The following HSD17B4 variants were observed in gnomAD, a reference collection of about 807,000 sequenced individuals.
The protein encoded by HSD17B4 is peroxisomal multifunctional enzyme type 2.
In HSD17B4, 70 loss-of-function variants were observed where a neutral mutation model predicts 101.0. The ratio of observed to expected loss-of-function variants is 0.69; its 90% CI spans 0.57 to 0.85. The LOEUF (loss-of-function observed/expected upper bound fraction) is 0.85, where lower values mean the gene tolerates loss of function less well. Ranked by LOEUF, HSD17B4 falls within the 40% of genes least tolerant of loss-of-function variation. The probability of loss-of-function intolerance (pLI) is 0.00; values close to 1 mark genes in which losing one functional copy is unlikely to be tolerated. For missense variants in HSD17B4, 984 were observed against 892.4 expected (o/e 1.10, Z -1.31); for synonymous variants, 347 against 297.1 (o/e 1.17, Z -1.73).
chr5:119,455,580 A>ATATATATG (rs1168328065), intron 1 of HSD17B4, among the ~76,000 whole-genome samples: 2 of 150,780 alleles, frequency 1.3e-5, no homozygotes, highest in Non-Finnish European at 3.0e-5. Flanking sequence ...ATATATATAT[A>ATATATATG]TATAATTTCT....
intron 8 of HSD17B4, 68 bp downstream of exon 8, chr5:119,479,089 AG>A (rs1241891339): frequency 1.6e-5 from 19 of 1,172,772 alleles, no homozygotes; most frequent in Non-Finnish European, 2.3e-5. Flanking sequence ...GCTTTACAAA[AG>A]TATTTAATTT....
intron 18 of HSD17B4, 63 bp downstream of exon 18, chr5:119,525,348 G>A (rs1455389076): frequency 2.0e-6 from 2 of 985,374 alleles, no homozygotes; most frequent in Non-Finnish European, 3.3e-6. Context: ...ATTAAATAAT[G>A]TAAAGACACT....
intron 11 of HSD17B4, among the ~76,000 whole-genome samples, chr5:119,494,303 T>C (rs1324671060): frequency 6.6e-6 from 1 of 151,060 alleles, no homozygotes; most frequent in Non-Finnish European, 1.5e-5. Context: ...CATATTTTTC[T>C]CTTTCTTCCT....
chr5:119,522,264 C>G (rs1047333278), intron 17 of HSD17B4, among the ~76,000 whole-genome samples: 3 of 152,310 alleles, frequency 2.0e-5, no homozygotes, highest in Middle Eastern at 3.4e-3. Context: ...AAGACATGAA[C>G]TCATCCTTTT....
intron 16 of HSD17B4, among the ~76,000 whole-genome samples, chr5:119,513,991 G>C (rs1419656528): frequency 6.6e-6 from 1 of 152,120 alleles, no homozygotes; most frequent in East Asian, 1.9e-4. Context: ...GAGAACTCTT[G>C]GTACTCAGAA....
intron 8 of HSD17B4, among the ~76,000 whole-genome samples, chr5:119,484,389 A>G (rs777618267): frequency 2.0e-5 from 3 of 152,106 alleles, no homozygotes; most frequent in Non-Finnish European, 2.9e-5. Context: ...CCTTTCAGCA[A>G]TATTATGATG....
intron 13 of HSD17B4, among the ~76,000 whole-genome samples, chr5:119,500,893 G>T (rs778478952): frequency 1.6e-4 from 25 of 152,122 alleles, no homozygotes; most frequent in Non-Finnish European, 2.4e-4. Context: ...TAAGATTCAG[G>T]TTATGAGCCT....
chr5:119,488,175 G>A (rs955406576), intron 8 of HSD17B4, among the ~76,000 whole-genome samples: 1 of 152,144 alleles, frequency 6.6e-6, no homozygotes, highest in African/African-American at 2.4e-5. Context: ...GGAATAGGAA[G>A]CAGAAGCATT....
chr5:119,509,827 G>A (rs895669933), intron 16 of HSD17B4, among the ~76,000 whole-genome samples: 4 of 152,184 alleles, frequency 2.6e-5, no homozygotes, highest in African/African-American at 7.2e-5. Flanking sequence ...GGCAGCCAGT[G>A]TAGAAAACGT....
chr5:119,530,003 C>T (rs768662489), intron 21 of HSD17B4, 23 bp downstream of exon 21: 1 of 1,337,998 alleles, frequency 7.5e-7, no homozygotes, highest in African/African-American at 1.4e-5. Context: ...AATTAGTATC[C>T]AAGCCACTTC....
At chr5:119,489,887 T>C (rs1017110822) in intron 9 of HSD17B4, among the ~76,000 whole-genome samples, 4 of 152,176 alleles carry the variant, frequency 2.6e-5, no homozygotes, top group Non-Finnish European at 5.9e-5. Context: ...TATCCACACA[T>C]AATCCCATCA....
chr5:119,475,447 T>C (rs1748492121), intron 4 of HSD17B4, among the ~76,000 whole-genome samples: 1 of 152,120 alleles, frequency 6.6e-6, no homozygotes, highest in African/African-American at 2.4e-5. Context: ...ATTAAGTGGA[T>C]AGAATTTTGA....
chr5:119,455,244 G>A (rs573154659), intron 1 of HSD17B4, among the ~76,000 whole-genome samples: 41 of 152,238 alleles, frequency 2.7e-4, no homozygotes, highest in African/African-American at 9.6e-4. Flanking sequence ...GGCTGGGGAT[G>A]GTGGTGGCTC....
At chr5:119,464,957 C>G (rs1420258431) in intron 2 of HSD17B4, among the ~76,000 whole-genome samples, 2 of 151,242 alleles carry the variant, frequency 1.3e-5, no homozygotes, top group Non-Finnish European at 2.9e-5. Context: ...CAGCTTTGTT[C>G]TTTTTGCTCA....
chr5:119,458,894 C>G (rs563592379), intron 2 of HSD17B4, among the ~76,000 whole-genome samples: 21 of 152,246 alleles, frequency 1.4e-4, no homozygotes, highest in African/African-American at 5.1e-4. Flanking sequence ...AGTAGGTGAG[C>G]TATATCTAGT....
At chr5:119,496,692 T>C (rs767558111) in intron 12 of HSD17B4, 46 bp downstream of exon 12, 5 of 978,302 alleles carry the variant, frequency 5.1e-6, no homozygotes, top group Non-Finnish European at 8.3e-6. Flanking sequence ...CTGGAGACTT[T>C]CCCTCCCTTC....
intron 23 of HSD17B4, among the ~76,000 whole-genome samples, chr5:119,540,181 G>T (rs1754871037): frequency 6.6e-6 from 1 of 152,030 alleles, no homozygotes; most frequent in Non-Finnish European, 1.5e-5. Context: ...CTTTTTGCAT[G>T]GCACTCCTAG....
intron 17 of HSD17B4, among the ~76,000 whole-genome samples, chr5:119,517,341 G>A (rs951134270): frequency 6.6e-6 from 1 of 152,192 alleles, no homozygotes; most frequent in African/African-American, 2.4e-5. Flanking sequence ...CTGCCTTCCC[G>A]CAGGGCAGGG....
At chr5:119,507,188 G>T (rs1751730662) in intron 15 of HSD17B4, among the ~76,000 whole-genome samples, 1 of 152,192 alleles carries the variant, frequency 6.6e-6, no homozygotes, top group African/African-American at 2.4e-5. Context: ...AAGCTTGCTG[G>T]AGTATGTTTT....
Sources: gnomAD v4.1 joint callset for allele counts (sites outside exome capture counted in the v4.1 genomes callset) on GRCh38, gnomAD v4.1.1 for gene constraint, MANE v1.5 for transcripts, NCBI Gene and HGNC (gene_info 2026-07-23, HGNC 2026-07-21) for gene names.